Variants in CLTCL1 observed in about 807,000 individuals in gnomAD.
CLTCL1 encodes the protein clathrin heavy chain 2.
CLTCL1 carries 159 observed loss-of-function variants against 190.0 expected under a neutral mutation model. The ratio of observed to expected loss-of-function variants is 0.84; its 90% CI spans 0.74 to 0.95. CLTCL1 has a LOEUF of 0.95. CLTCL1 is among the 40% of genes least tolerant of loss of function. CLTCL1 has a pLI of 0.00. For missense variants in CLTCL1, 1,878 were observed against 2,033.4 expected, an observed-to-expected ratio of 0.92 and a Z score of 1.47; for synonymous variants, 752 against 769.6, an observed-to-expected ratio of 0.98 and a Z score of 0.38.
chr22:19,271,589 C>A (rs1441486964), intron 2 of CLTCL1, among the ~76,000 whole-genome samples: 2 of 152,124 alleles, frequency 1.3e-5, no homozygotes, highest in African/African-American at 4.8e-5. Flanking sequence ...TCCTATATAG[C>A]CTATGGAACT....
intron 27 of CLTCL1, among the ~76,000 whole-genome samples, chr22:19,190,546 G>A (rs1454309865): frequency 3.6e-5 from 5 of 139,180 alleles, no homozygotes; most frequent in Admixed American, 7.9e-5. Flanking sequence ...TTGCAGTGAG[G>A]TATGACCATG....
At chr22:19,223,784 C>A in intron 14 of CLTCL1, 107 bp downstream of exon 14, 1 of 1,342,666 alleles carries the variant, frequency 7.4e-7, no homozygotes, top group East Asian at 2.4e-5. Context: ...TAAGGGGTCC[C>A]TGGCGAGACA....
intron 2 of CLTCL1, among the ~76,000 whole-genome samples, chr22:19,270,450 G>A (rs1402330430): frequency 2.6e-5 from 4 of 151,516 alleles, no homozygotes; most frequent in African/African-American, 4.9e-5. Flanking sequence ...AATGTTGGTC[G>A]GGCACGGTGG....
chr22:19,221,376 C>A lies in CLTCL1; in HGVS notation c.2796+1G>T. ...GGCAGCTCAGCACATCTGCTACCCA[C>A]CTTGATGAGCTCAAGGTCACACTGC... On this transcript the variant is annotated splice_donor_variant, in intron 17 of 32. Coordinates refer to ENST00000427926, the MANE Select transcript of CLTCL1 (RefSeq NM_007098.4). LOFTEE classifies it high-confidence loss of function. 1 of 1,545,676 alleles carries A rather than the reference C, an allele frequency of 6.5e-7. No homozygotes were observed. Among genetic ancestry groups the A allele is most frequent in the Non-Finnish European group, 8.7e-7 (1 of 1,142,924 alleles).
intron 20 of CLTCL1, among the ~76,000 whole-genome samples, chr22:19,209,488 C>T (rs918795675): frequency 6.6e-6 from 1 of 152,178 alleles, no homozygotes; most frequent in Non-Finnish European, 1.5e-5. Flanking sequence ...AATAAGATTG[C>T]TCACCAGGCA....
intron 20 of CLTCL1, among the ~76,000 whole-genome samples, chr22:19,209,786 C>T (rs782074324): frequency 1.4e-4 from 22 of 152,094 alleles, no homozygotes; most frequent in Non-Finnish European, 2.5e-4. Flanking sequence ...GAAATAAAAC[C>T]AGAAGAGGCT....
Position 19,233,572 on chromosome 22 carries a change from A to G in CLTCL1, c.1218T>C (p.Ala406=), listed in dbSNP as rs781920687. The G allele has an allele frequency of 6.2e-7, 1 of 1,613,726 alleles. No individual in the cohort carries two copies. Among genetic ancestry groups the G allele is most frequent in the South Asian group, 1.1e-5 (1 of 91,070 alleles). The change falls in exon 8 of 33, where the codon GCT becomes GCC. Residue 406 remains alanine, a synonymous_variant. Transcript: ENST00000427926. ...ETVQKFQSIP[A]QSGQASPLLQ... ...GCAATGGAGAAGCCTGGCCAGACTG[A>G]GCGGGTATACTCTGGAATTTCTGGA... is the stretch of plus-strand genomic sequence containing the variant.
intron 1 of CLTCL1, among the ~76,000 whole-genome samples, chr22:19,287,277 A>T (rs544742911): frequency 4.4e-4 from 67 of 152,156 alleles, no homozygotes; most frequent in Non-Finnish European, 7.9e-4. Flanking sequence ...GAGTGTCATT[A>T]TAAGAGGAAC....
At chr22:19,180,884 T>G (rs1555925561) in intron 30 of CLTCL1, 78 bp from the exon 31 acceptor site, 1 of 1,292,164 alleles carries the variant, frequency 7.7e-7, no homozygotes, top group African/African-American at 1.5e-5. Flanking sequence ...GAGTGGAAGG[T>G]CAGGACACAG....
At chr22:19,199,880 G>A in intron 23 of CLTCL1, 39 bp from the exon 24 acceptor site, 1 of 1,401,266 alleles carries the variant, frequency 7.1e-7, no homozygotes, top group Non-Finnish European at 9.9e-7. Context: ...CCCCAAGACA[G>A]GACACAGCAC....
At chr22:19,233,375 A>C (rs1555960112) in intron 8 of CLTCL1, 47 bp downstream of exon 8, 2 of 1,610,486 alleles carry the variant, frequency 1.2e-6, no homozygotes, top group Admixed American at 3.3e-5. Flanking sequence ...GCCTGGACCA[A>C]GTTTTCAAGC....
At position 19,210,472 on chromosome 22, in the gene CLTCL1, C is replaced by T. The variant is rs1555945988; in HGVS notation, c.3103G>A (p.Ala1035Thr). The T allele has an allele frequency of 5.0e-6, 8 of 1,613,908 alleles. No homozygotes were observed. Among genetic ancestry groups the T allele is most frequent in the Non-Finnish European group, 6.8e-6 (8 of 1,179,858 alleles). Residue 1035 changes from alanine to threonine, a missense_variant, in exon 20 of 33, where the codon GCA becomes ACA. Transcript: ENST00000427926. Reference sequence around the variant, plus strand: ...TACTCCATGACCCGTGTGCGGTCTGCCTTGATGGCAGTCAGGATCAACAGA... The same window carrying T: ...TACTCCATGACCCGTGTGCGGTCTGTCTTGATGGCAGTCAGGATCAACAGA... ...QNLLILTAIK[A>T]DRTRVMEYIS... is the part of the protein sequence containing the mutation.
In CLTCL1 at chr22:19,239,018, A is replaced by T. The variant is rs116007954; in HGVS notation, c.795+257T>A. On this transcript the variant is annotated intron_variant, in intron 5 of 32. Coordinates refer to ENST00000427926, the MANE Select transcript of CLTCL1 (RefSeq NM_007098.4). Reference sequence around the variant, plus strand: ...CATCTAATCTTTTATAATAAGAAGGAAAGAGCTGAGGACTTTGATGTGTGA... The same window carrying T: ...CATCTAATCTTTTATAATAAGAAGGTAAGAGCTGAGGACTTTGATGTGTGA... Among the ~76,000 whole-genome samples the T allele has an allele frequency of 3.5e-3, 526 of 152,272 alleles. 3 individuals are homozygous for T. Among genetic ancestry groups the T allele is most frequent in the African/African-American group, 0.012 (492 of 41,552 alleles).
intron 19 of CLTCL1, among the ~76,000 whole-genome samples, chr22:19,213,558 T>C (rs1674068631): frequency 6.6e-6 from 1 of 152,212 alleles, no homozygotes; most frequent in Non-Finnish European, 1.5e-5. Context: ...AGAGATCCTG[T>C]GGTACATTCG....
chr22:19,183,097 C>T (rs569424508), intron 30 of CLTCL1: 36 of 396,210 alleles, frequency 9.1e-5, no homozygotes, highest in African/African-American at 2.6e-4. Context: ...GGGATGAGCA[C>T]GCCTGTTGTG....
intron 30 of CLTCL1, 73 bp from the exon 31 acceptor site, chr22:19,180,879 G>A (rs1427028658): frequency 2.4e-5 from 33 of 1,347,750 alleles, no homozygotes; most frequent in Non-Finnish European, 3.2e-5. Context: ...AAGTGGAGTG[G>A]AAGGTCAGGA....
chr22:19,279,051 T>C (rs949117400), intron 1 of CLTCL1, among the ~76,000 whole-genome samples: 2 of 151,832 alleles, frequency 1.3e-5, no homozygotes, highest in Non-Finnish European at 2.9e-5. Flanking sequence ...TAGATTAGTG[T>C]TATTTACTCT....
chr22:19,228,878 T>C (rs2085836210), intron 11 of CLTCL1, among the ~76,000 whole-genome samples: 1 of 152,218 alleles, frequency 6.6e-6, no homozygotes, highest in Non-Finnish European at 1.5e-5. Flanking sequence ...CACAGTGAGA[T>C]ACCACTGCAC....
chr22:19,257,698 G>GGTCCAGGGCCCTGGCCACTGGGAT (rs2086806804), intron 2 of CLTCL1: 3 of 828,818 alleles, frequency 3.6e-6, no homozygotes, highest in Non-Finnish European at 5.3e-6. Context: ...GGTGGCTTGG[G>GGTCCAGGGCCCTGGCCACTGGGAT]GTCCAGGGCC....
Sources: allele counts gnomAD v4.1 joint callset (sites outside exome capture counted in the v4.1 genomes callset), GRCh38; gene constraint gnomAD v4.1.1; transcripts MANE v1.5; gene names NCBI Gene and HGNC (gene_info 2026-07-23, HGNC 2026-07-21).